The following FBXO34 variants were observed in gnomAD, a reference collection of about 807,000 sequenced individuals.
FBXO34 encodes F-box protein 34, also known as F-box only protein 34.
A neutral mutation model predicts 24.5 loss-of-function variants in FBXO34; 12 were observed. The ratio of observed to expected loss-of-function variants is 0.49; its 90% CI spans 0.31 to 0.79. The LOEUF (loss-of-function observed/expected upper bound fraction) is 0.79. Ranked by LOEUF, FBXO34 falls within the 30% of genes least tolerant of loss-of-function variation. FBXO34 has a pLI of 0.04. For missense variants in FBXO34, 823 were observed against 857.7 expected (o/e 0.96, Z 0.51); for synonymous variants, 320 against 311.9 (o/e 1.03, Z -0.27).
At chr14:55,416,663 T>C in the FBXO34 span, among the ~76,000 whole-genome samples, 1 of 152,170 alleles carries the variant, frequency 6.6e-6, no homozygotes, top group Non-Finnish European at 1.5e-5. Flanking sequence ...CCAAACTCTT[T>C]AGAAACTAAA....
At chr14:55,364,809 T>TC (rs1454398854), downstream of FBXO34, among the ~76,000 whole-genome samples, 4 of 147,538 alleles carry the variant, frequency 2.7e-5, no homozygotes, top group Non-Finnish European at 5.9e-5. Context: ...CAATCACAGC[T>TC]CACTGTAGCC....
At chr14:55,364,078 G>C (rs781709960), downstream of FBXO34, among the ~76,000 whole-genome samples, 1 of 152,008 alleles carries the variant, frequency 6.6e-6, no homozygotes, top group Non-Finnish European at 1.5e-5. Flanking sequence ...AGCCTCCCGA[G>C]TAGCTGGGAT....
chr14:55,315,192 T>C (rs1882886193), intron 1 of FBXO34, among the ~76,000 whole-genome samples: 1 of 152,256 alleles, frequency 6.6e-6, no homozygotes, highest in East Asian at 1.9e-4. Context: ...ACTTTTACTT[T>C]ATTACTTTTG....
the FBXO34 span, chr14:55,424,215 A>G: frequency 1.4e-5 from 22 of 1,613,406 alleles, no homozygotes; most frequent in African/African-American, 2.7e-5. Flanking sequence ...TGGTTTTACC[A>G]TTCTATAAAT....
chr14:55,298,912 A>G, intron 1 of FBXO34: 3 of 1,578,418 alleles, frequency 1.9e-6, no homozygotes, highest in East Asian at 2.2e-5. Flanking sequence ...GCCAACACCA[A>G]TACCGAGGTG....
At chr14:55,411,786 C>G in the FBXO34 span, 4 of 1,602,572 alleles carry the variant, frequency 2.5e-6, no homozygotes, top group Non-Finnish European at 3.4e-6. Flanking sequence ...CCAGGAGCCT[C>G]CAGCGCCCGG....
the FBXO34 span, chr14:55,395,955 C>T: frequency 6.3e-7 from 1 of 1,595,682 alleles, no homozygotes; most frequent in Non-Finnish European, 8.5e-7. Flanking sequence ...GATCTGTTAT[C>T]CATTTTCCTT....
intron 1 of FBXO34, among the ~76,000 whole-genome samples, chr14:55,343,981 A>C (rs1364443524): frequency 6.6e-6 from 1 of 152,226 alleles, no homozygotes; most frequent in African/African-American, 2.4e-5. Context: ...AGCTGAACTT[A>C]GAGTCTAAAA....
chr14:55,437,818 G>C, the FBXO34 span, among the ~76,000 whole-genome samples: 10,306 of 152,274 alleles, frequency 0.068, 387 homozygotes, highest in Non-Finnish European at 0.088. Context: ...AAGACCCATG[G>C]TTATTCCTTC....
chr14:55,272,884 T>C (rs147651366), intron 1 of FBXO34, among the ~76,000 whole-genome samples: 2 of 152,312 alleles, frequency 1.3e-5, no homozygotes, highest in Admixed American at 1.3e-4. Context: ...TGTAGTGCTT[T>C]TAAATATGAA....
chr14:55,336,145 G>A (rs1440556644), intron 1 of FBXO34, among the ~76,000 whole-genome samples: 2 of 151,954 alleles, frequency 1.3e-5, no homozygotes, highest in South Asian at 4.1e-4. Context: ...AAAATTATAT[G>A]TATTTAATTA....
chr14:55,429,113 C>A, the FBXO34 span: 1 of 1,038,816 alleles, frequency 9.6e-7, no homozygotes, highest in Non-Finnish European at 1.4e-6. Flanking sequence ...GTGAGGAGGA[C>A]TTACTTCCCA....
At chr14:55,426,801 G>A in the FBXO34 span, among the ~76,000 whole-genome samples, 14 of 152,202 alleles carry the variant, frequency 9.2e-5, no homozygotes, top group African/African-American at 1.4e-4. Flanking sequence ...GGCCCACTCC[G>A]TCTGATGTAT....
At chr14:55,378,126 T>C in the FBXO34 span, 3 of 1,502,662 alleles carry the variant, frequency 2.0e-6, no homozygotes, top group East Asian at 2.3e-5. Flanking sequence ...GGAAATTCTA[T>C]GTTAAAATTT....
Position 55,350,411 on chromosome 14 carries a change from G to A in FBXO34, c.21G>A (p.Trp7Ter). The A allele has an allele frequency of 6.3e-7, 1 of 1,585,148 alleles. No homozygotes were observed. Among genetic ancestry groups the A allele is most frequent in the Non-Finnish European group, 8.5e-7 (1 of 1,169,894 alleles). The change falls in exon 2 of 2, where the codon TGG becomes TGA. Residue 7 changes from tryptophan (W) to a stop codon, truncating the protein, a stop_gained. Transcript: ENST00000313833. LOFTEE classifies it low-confidence loss of function (END_TRUNC). MHLKPY[W>*]KLQKKEHPPE... ...TTGTTATGCACCTAAAGCCATATTG[G>A]AAGCTCCAGAAGAAAGAGCACCCCC...
chr14:55,440,478 G>A, the FBXO34 span: 2 of 1,612,708 alleles, frequency 1.2e-6, no homozygotes, highest in East Asian at 2.2e-5. Context: ...TGGGGGTGGG[G>A]GCGGGTAAGA....
At chr14:55,291,983 A>G (rs1302405998) in intron 1 of FBXO34, among the ~76,000 whole-genome samples, 1 of 147,984 alleles carries the variant, frequency 6.8e-6, no homozygotes, top group Admixed American at 6.6e-5. Flanking sequence ...AAGAAAAAAA[A>G]TCAATTCATG....
At chr14:55,394,005 AT>A in the FBXO34 span, among the ~76,000 whole-genome samples, 7,880 of 138,872 alleles carry the variant, frequency 0.057, 219 homozygotes, top group South Asian at 0.084. Context: ...CAGTATCATA[AT>A]TTTTTTTTTT....
At chr14:55,327,536 G>A (rs1330258599) in intron 1 of FBXO34, among the ~76,000 whole-genome samples, 2 of 152,140 alleles carry the variant, frequency 1.3e-5, no homozygotes, top group Non-Finnish European at 2.9e-5. Flanking sequence ...TGCATATGTG[G>A]TTTGTGAGAG....
Sources: gnomAD v4.1 joint callset for allele counts (sites outside exome capture counted in the v4.1 genomes callset) on GRCh38, gnomAD v4.1.1 for gene constraint, MANE v1.5 for transcripts, NCBI Gene and HGNC (gene_info 2026-07-23, HGNC 2026-07-21) for gene names.